The following CDK10 variants were observed in gnomAD, a reference collection of about 807,000 sequenced individuals.
The protein encoded by CDK10 is cyclin dependent kinase 10.
Under a neutral mutation model 51.0 loss-of-function variants are expected in CDK10, and 55 were observed. That is an observed-to-expected ratio of 1.08 (90% confidence interval 0.87 to 1.35). The LOEUF (loss-of-function observed/expected upper bound fraction) is 1.35. CDK10 is among the 40% of genes most tolerant of loss of function. The probability of loss-of-function intolerance (pLI) is 0.00; values close to 1 mark genes in which losing one functional copy is unlikely to be tolerated. For synonymous variants in CDK10, 255 were observed against 199.1 expected, an observed-to-expected ratio of 1.28 and a Z score of -2.36; for missense variants, 589 against 485.1, an observed-to-expected ratio of 1.21 and a Z score of -2.01.
rs1254913826 is a variant in CDK10 at position 89,690,624 on chromosome 16, G to A, written c.232G>A (p.Gly78Ser). 2 of 1,613,746 alleles carry A rather than the reference G, an allele frequency of 1.2e-6. No homozygotes were observed. The highest frequency in any genetic ancestry group is 1.7e-5 in the Admixed American group (1 of 60,028). The change falls in exon 3 of 13, where the codon GGC (glycine) becomes AGC (serine). Residue 78 changes from glycine to serine, a missense_variant and splice_region_variant. Gly to Ser is a moderately conservative substitution (Grantham distance 56). Transcript: ENST00000353379. ...GGTGCGGATGGACAAGGAGAAGGAT[G>A]GTGAGCAGGAAATTGGGGTGTTGGG... is the stretch of plus-strand genomic sequence containing the variant. ...KKVRMDKEKD[G>S]IPISSLREIT... is the part of the protein sequence containing the mutation.
At position 89,694,171 on chromosome 16, in the gene CDK10, A is replaced by G; in HGVS notation, c.609-2A>G. The G allele has an allele frequency of 6.2e-7, 1 of 1,613,856 alleles. No homozygotes were observed. Among genetic ancestry groups the G allele is most frequent in the East Asian group, 2.2e-5 (1 of 44,860 alleles). ...TATTGAGGTGGGTGCTTCTGTGTGTAGGTACCGAGCCCCTGAACTGCTGTT... is the reference window on the plus strand; with the variant it reads ...TATTGAGGTGGGTGCTTCTGTGTGTGGGTACCGAGCCCCTGAACTGCTGTT... On this transcript the variant is annotated splice_acceptor_variant, in intron 8 of 12. Coordinates refer to ENST00000353379, the MANE Select transcript of CDK10 (RefSeq NM_052988.5). LOFTEE classifies it high-confidence loss of function.
chr16:89,686,936 C>A, intron 1 of CDK10, 139 bp downstream of exon 1: 1 of 689,166 alleles, frequency 1.5e-6, no homozygotes, highest in Non-Finnish European at 2.3e-6. Flanking sequence ...TTCCCCGCGG[C>A]GGGGGCGGAA....
chr16:89,688,368 C>T (rs1370661580), intron 1 of CDK10, among the ~76,000 whole-genome samples: 2 of 152,150 alleles, frequency 1.3e-5, no homozygotes, highest in Non-Finnish European at 2.9e-5. Flanking sequence ...AGGCGTGAGC[C>T]ACTGCGCCCG....
chr16:89,695,521 C>T, intron 12 of CDK10, 74 bp from the exon 13 acceptor site: 1 of 1,534,544 alleles, frequency 6.5e-7, no homozygotes, highest in Non-Finnish European at 8.8e-7. Context: ...AGAGGCAGAG[C>T]TGGACTCAGA....
Position 89,694,177 on chromosome 16 carries a change from C to G in CDK10, c.613C>G (p.Arg205Gly), listed in dbSNP as rs147512172. The G allele has an allele frequency of 6.2e-7, 1 of 1,613,800 alleles. No individual in the cohort carries two copies. Among genetic ancestry groups the G allele is most frequent in the Admixed American group, 1.7e-5 (1 of 59,984 alleles). ...MTPKVVTLWY[R>G]APELLLGTTT... is the part of the protein sequence containing the mutation. ...GGTGGGTGCTTCTGTGTGTAGGTAC[C>G]GAGCCCCTGAACTGCTGTTGGGAAC... The change falls in exon 9 of 13, where the codon CGA (arginine) becomes GGA (glycine). Residue 205 changes from arginine (R) to glycine (G), a missense_variant. Arg to Gly is a moderately radical substitution (Grantham distance 125). Coordinates refer to ENST00000353379, the MANE Select transcript of CDK10 (RefSeq NM_052988.5).
chr16:89,694,370 G>T (rs776127695), intron 9 of CDK10, 138 bp downstream of exon 9: 2 of 988,948 alleles, frequency 2.0e-6, no homozygotes, highest in South Asian at 2.8e-5. Context: ...TCCCAGGGAG[G>T]TGGGCCTGAG....
chr16:89,694,258 G>A (rs776953183), intron 9 of CDK10, 26 bp downstream of exon 9: 1 of 1,611,576 alleles, frequency 6.2e-7, no homozygotes, highest in East Asian at 2.2e-5. Context: ...TACCGCTCCT[G>A]GGGCCTCAGG....
At chr16:89,690,487 G>A (rs565735150) in intron 2 of CDK10, 66 bp from the exon 3 acceptor site, 33 of 1,425,074 alleles carry the variant, frequency 2.3e-5, no homozygotes, top group South Asian at 4.6e-5. Context: ...AGAGCCTCCC[G>A]TTCAGCGCTA....
rs369894921 is a variant in CDK10 at position 89,691,837 on chromosome 16, G to T, written c.367G>T (p.Asp123Tyr). ...IFLVMGYCEQ[D>Y]LASLLENMPT... ...CCTGGTGATGGGTTACTGTGAGCAG[G>T]ACCTGGCCAGCCTCCTGGAGAATAT... Residue 123 changes from aspartate to tyrosine, a missense_variant, in exon 5 of 13, where the codon GAC becomes TAC. Coordinates refer to ENST00000353379, the MANE Select transcript of CDK10 (RefSeq NM_052988.5). 1 of 1,614,018 alleles carries T rather than the reference G, an allele frequency of 6.2e-7. No homozygotes were observed.
Position 89,695,698 on chromosome 16 carries a change from GGCCTGGCACAC to G in CDK10, c.*12_*22del. ...GCAAGCGCTGTAAACCCTGACGGTGGGCCTGGCACACGCCTGTATTCCCACACCAGGTCTTC... is the reference window on the plus strand; with the variant it reads ...GCAAGCGCTGTAAACCCTGACGGTGGGCCTGTATTCCCACACCAGGTCTTC... On this transcript the variant is annotated 3_prime_UTR_variant, in exon 13 of 13. Transcript: ENST00000353379. The G allele has an allele frequency of 6.3e-7, 1 of 1,593,448 alleles. No homozygotes were observed. Among genetic ancestry groups the G allele is most frequent in the African/African-American group, 1.3e-5 (1 of 74,720 alleles).
intron 12 of CDK10, 31 bp downstream of exon 12, chr16:89,695,376 T>G (rs1318746300): frequency 6.2e-7 from 1 of 1,604,046 alleles, no homozygotes; most frequent in Non-Finnish European, 8.5e-7. Context: ...ACTCGCTCTG[T>G]GGGGTATGGC....
chr16:89,695,644 G>T lies in CDK10; in HGVS notation c.1035G>T (p.Arg345=). The part of the protein sequence containing the change: ...MPTFPHHRNK[R]AAPATSEGQS... ...CCTTTCCCCACCACCGCAACAAGCG[G>T]GCCGCCCCAGCCACCTCCGAGGGCC... is the stretch of plus-strand genomic sequence containing the variant. The change falls in exon 13 of 13, where the codon CGG becomes CGT. Residue 345 remains arginine (R), a synonymous_variant. Transcript: ENST00000353379. The T allele has an allele frequency of 6.2e-7, 1 of 1,605,092 alleles. No homozygotes were observed. Among genetic ancestry groups the T allele is most frequent in the South Asian group, 1.1e-5 (1 of 89,780 alleles).
intron 4 of CDK10, 82 bp downstream of exon 4, chr16:89,691,627 G>GT (rs1254263855): frequency 3.1e-6 from 4 of 1,293,368 alleles, no homozygotes; most frequent in Non-Finnish European, 4.4e-6. Context: ...CGAGGACTGA[G>GT]TGTCACTGGG....
chr16:89,693,842 C>T, intron 8 of CDK10: 1 of 551,574 alleles, frequency 1.8e-6, no homozygotes, highest in East Asian at 3.2e-5. Context: ...CATGCTTAGC[C>T]AGGGCTGAAT....
chr16:89,689,320 T>C lies in CDK10; in HGVS notation c.156T>C (p.Ile52=). The C allele has an allele frequency of 6.2e-7, 1 of 1,613,588 alleles. No homozygotes were observed. Among genetic ancestry groups the C allele is most frequent in the Non-Finnish European group, 8.5e-7 (1 of 1,179,602 alleles). ...LNRIGEGTYG[I]VYRARDTQTD... The stretch of plus-strand genomic sequence containing the variant: ...GCATTGGAGAGGGTACCTACGGCAT[T>C]GTGTGTGAGTGGCCAAGGCTAGGAC... The change falls in exon 2 of 13, where the codon ATT becomes ATC. Residue 52 remains isoleucine (I), a synonymous_variant. Transcript: ENST00000353379.
In CDK10 at chr16:89,687,922, CTGAGGACAAA is replaced by C. The variant is rs1597832946; in HGVS notation, c.87+1128_87+1137del. Reference sequence around the variant, plus strand: ...CCCCAGGTGTCAGGAAGGAATCAGACTGAGGACAAATGCGGCCAGTGGCTCACACCTGTAA... The same window carrying C: ...CCCCAGGTGTCAGGAAGGAATCAGACTGCGGCCAGTGGCTCACACCTGTAA... On this transcript the variant is annotated intron_variant, in intron 1 of 12. Transcript: ENST00000353379. The C allele has an allele frequency of 1.4e-5, 4 of 287,492 alleles. No individual in the cohort carries two copies. The East Asian group carries it at 3.7e-4, about 26-fold the overall frequency. 17.8% of individuals were successfully genotyped at this position (287,492 alleles called of 1,614,324 possible).
chr16:89,689,563 G>C (rs1205863219), intron 2 of CDK10: 4 of 525,742 alleles, frequency 7.6e-6, no homozygotes, highest in Admixed American at 3.3e-5. Context: ...TGTCACTGCA[G>C]AGTACACAGA....
rs767677171 is a variant in CDK10, at chr16:89,686,705, C to G, written c.-6C>G. ...GCGCGCAAGAGAGGCGGGGCCAGCG[C>G]TCGGCATGGCGGAGCCAGATCTGGA... On this transcript the variant is annotated 5_prime_UTR_variant, in exon 1 of 13. Transcript: ENST00000353379. 1.9e-5 allele frequency: 30 copies of G among 1,582,130 alleles called. No individual in the cohort carries two copies. Among genetic ancestry groups the G allele is most frequent in the Non-Finnish European group, 2.5e-5 (29 of 1,165,078 alleles).
chr16:89,695,903 C>A lies in CDK10; in HGVS notation c.*211C>A. 9.1e-7 allele frequency: 1 copy of A among 1,104,432 alleles called. No homozygotes were observed. 68.4% of individuals were successfully genotyped at this position (1,104,432 alleles called of 1,614,324 possible). ...GGGTGACACCGGGGGGCTCCCAGCC[C>A]GTGCACCCTGGAAGGGCAGGTCTGG... On this transcript the variant is annotated 3_prime_UTR_variant, in exon 13 of 13. Coordinates refer to ENST00000353379, the MANE Select transcript of CDK10 (RefSeq NM_052988.5).
Sources: gnomAD v4.1 joint callset for allele counts (sites outside exome capture counted in the v4.1 genomes callset) on GRCh38, gnomAD v4.1.1 for gene constraint, MANE v1.5 for transcripts, NCBI Gene and HGNC (gene_info 2026-07-23, HGNC 2026-07-21) for gene names.